HEMK2: variants seen among roughly 807,000 people sequenced by gnomAD.
HEMK2 encodes HemK methyltransferase 2, ETF1 glutamine and histone H4 lysine.
chr21:28,811,342 A>AAAGG, the HEMK2 span, among the ~76,000 whole-genome samples: 5 of 147,918 alleles, frequency 3.4e-5, no homozygotes, highest in Admixed American at 6.7e-5. Context: ...AAGGAGAAAG[A>AAAGG]AAGGAAGGAA....
chr21:28,659,684 T>A, the HEMK2 span, among the ~76,000 whole-genome samples: 9 of 152,120 alleles, frequency 5.9e-5, no homozygotes, highest in Non-Finnish European at 1.3e-4. Flanking sequence ...AGACATCTCA[T>A]GCTTAGCCCA....
the HEMK2 span, among the ~76,000 whole-genome samples, chr21:28,667,208 T>C: frequency 6.6e-6 from 1 of 152,220 alleles, no homozygotes; most frequent in Non-Finnish European, 1.5e-5. Flanking sequence ...GTGCGAGCTG[T>C]ATCTCATTGT....
At chr21:28,806,901 A>C in the HEMK2 span, among the ~76,000 whole-genome samples, 1 of 152,254 alleles carries the variant, frequency 6.6e-6, no homozygotes, top group Non-Finnish European at 1.5e-5. Flanking sequence ...CATAACTGTG[A>C]GACTAAATTT....
the HEMK2 span, among the ~76,000 whole-genome samples, chr21:28,676,715 C>T: frequency 1.3e-5 from 2 of 152,120 alleles, no homozygotes; most frequent in African/African-American, 2.4e-5. Flanking sequence ...AGCACACTAG[C>T]GGACCCTGGC....
chr21:28,642,297 C>G, the HEMK2 span, among the ~76,000 whole-genome samples: 1 of 152,200 alleles, frequency 6.6e-6, no homozygotes, highest in Admixed American at 6.5e-5. Flanking sequence ...CCCTTGACCC[C>G]CTTCATGGGC....
chr21:28,858,151 C>T, the HEMK2 span, among the ~76,000 whole-genome samples: 1 of 152,190 alleles, frequency 6.6e-6, no homozygotes, highest in Non-Finnish European at 1.5e-5. Context: ...AAGCTGTTAA[C>T]ACTGCTTAAG....
the HEMK2 span, among the ~76,000 whole-genome samples, chr21:28,603,468 G>T: frequency 4.6e-5 from 7 of 151,020 alleles, no homozygotes; most frequent in Non-Finnish European, 1.0e-4. Context: ...ATTTTACTGA[G>T]GATATATATA....
the HEMK2 span, among the ~76,000 whole-genome samples, chr21:28,868,832 T>C: frequency 6.6e-6 from 1 of 152,320 alleles, no homozygotes; most frequent in East Asian, 1.9e-4. Flanking sequence ...ACAAATGATT[T>C]CTGAATATTG....
chr21:28,864,532 TATG>T, the HEMK2 span, among the ~76,000 whole-genome samples: 1 of 152,202 alleles, frequency 6.6e-6, no homozygotes, highest in East Asian at 1.9e-4. Context: ...ACGCTCCTCA[TATG>T]ATAATAGCTC....
the HEMK2 span, among the ~76,000 whole-genome samples, chr21:28,645,113 C>T: frequency 1.3e-5 from 2 of 152,128 alleles, no homozygotes; most frequent in East Asian, 3.9e-4. Context: ...TCTACTTGTC[C>T]TCCTTTTGGG....
At chr21:28,808,668 T>A in the HEMK2 span, among the ~76,000 whole-genome samples, 122 of 152,238 alleles carry the variant, frequency 8.0e-4, no homozygotes, top group Non-Finnish European at 1.6e-3. Flanking sequence ...CATTTTTCAA[T>A]TATGTACTGC....
the HEMK2 span, among the ~76,000 whole-genome samples, chr21:28,783,905 C>G: frequency 6.6e-6 from 1 of 152,240 alleles, no homozygotes; most frequent in African/African-American, 2.4e-5. Context: ...CCCAGGCCAG[C>G]AGCTGCAGAG....
chr21:28,754,628 T>C, the HEMK2 span, among the ~76,000 whole-genome samples: 1 of 152,248 alleles, frequency 6.6e-6, no homozygotes, highest in Non-Finnish European at 1.5e-5. Flanking sequence ...GCTTAAATTC[T>C]TGTTGTTTGT....
the HEMK2 span, among the ~76,000 whole-genome samples, chr21:28,723,163 C>T: frequency 4.6e-5 from 7 of 151,998 alleles, no homozygotes; most frequent in Non-Finnish European, 8.8e-5. Flanking sequence ...TTGCACACTG[C>T]CATGACCAGC....
chr21:28,606,945 G>T, the HEMK2 span, among the ~76,000 whole-genome samples: 27 of 152,168 alleles, frequency 1.8e-4, no homozygotes, highest in Non-Finnish European at 2.6e-4. Flanking sequence ...TTTTACTGGG[G>T]AAAGTATGAC....
the HEMK2 span, among the ~76,000 whole-genome samples, chr21:28,869,249 T>C: frequency 6.6e-6 from 1 of 152,228 alleles, no homozygotes; most frequent in Non-Finnish European, 1.5e-5. Flanking sequence ...CTTTAACCTA[T>C]TAGAATGATA....
chr21:28,878,911 CATTT>C, the HEMK2 span, among the ~76,000 whole-genome samples: 32 of 148,052 alleles, frequency 2.2e-4, no homozygotes, highest in South Asian at 4.2e-4. Context: ...CTAAGGAATG[CATTT>C]ATTTATTATA....
chr21:28,721,228 A>T, the HEMK2 span, among the ~76,000 whole-genome samples: 1 of 151,840 alleles, frequency 6.6e-6, no homozygotes, highest in Non-Finnish European at 1.5e-5. Flanking sequence ...CCATCCTCCC[A>T]CCTCAGCCTC....
At chr21:28,664,699 A>G in the HEMK2 span, among the ~76,000 whole-genome samples, 2 of 152,172 alleles carry the variant, frequency 1.3e-5, no homozygotes, top group African/African-American at 2.4e-5. Flanking sequence ...TGTGCACTAC[A>G]TTTGAAATAA....
Sources: allele counts gnomAD v4.1 joint callset (sites outside exome capture counted in the v4.1 genomes callset), GRCh38; gene constraint gnomAD v4.1.1; transcripts MANE v1.5; gene names NCBI Gene and HGNC (gene_info 2026-07-23, HGNC 2026-07-21).